Variants in AFG1L observed in about 807,000 individuals in gnomAD.
AFG1L encodes the protein AFG1-like ATPase.
In AFG1L, 53 loss-of-function variants were observed where a neutral mutation model predicts 62.2. That is an observed-to-expected ratio of 0.85 (90% CI 0.68 to 1.07). The LOEUF is 1.07. Among genes scored for constraint, AFG1L ranks in the 50% least tolerant of loss-of-function variants. The pLI, the probability that AFG1L is intolerant of heterozygous loss-of-function variation, is 0.00. For missense variants in AFG1L, 555 were observed against 590.5 expected (o/e 0.94, Z 0.62); for synonymous variants, 228 against 210.3 (o/e 1.08, Z -0.73).
chr6:108,419,725 T>TGTTTATG (rs1770502469), intron 7 of AFG1L, among the ~76,000 whole-genome samples: 1 of 152,184 alleles, frequency 6.6e-6, no homozygotes, highest in African/African-American at 2.4e-5. Flanking sequence ...CTGTTGTGCA[T>TGTTTATG]CCTTTACATA....
In AFG1L at chr6:108,300,153, G is replaced by GTT. The variant is rs11434226; in HGVS notation, c.139+4946_139+4947dup. On this transcript the variant is annotated intron_variant, in intron 1 of 12. Transcript: ENST00000368977. ...ACATAGGAGTTTATTCCCTATTAGG[G>GTT]TTTTTTTTTTTTGAGGTGGAGTTTT... 2.2e-3 allele frequency among the ~76,000 whole-genome samples: 325 copies of GTT among 144,818 alleles called. 2 individuals are homozygous for GTT. The highest frequency in any genetic ancestry group is 7.4e-3 in the African/African-American group (295 of 39,970).
At chr6:108,489,016 A>T (rs1773676919) in intron 10 of AFG1L, among the ~76,000 whole-genome samples, 1 of 152,212 alleles carries the variant, frequency 6.6e-6, no homozygotes, top group South Asian at 2.1e-4. Context: ...AAAAATAACT[A>T]TCCAGAAGGC....
In AFG1L at chr6:108,483,109, G is replaced by A. The variant is rs369299702; in HGVS notation, c.1062+5817G>A. 4.6e-5 allele frequency among the ~76,000 whole-genome samples: 7 copies of A among 152,184 alleles called. No individual in the cohort carries two copies. The South Asian group carries it at 1.4e-3, about 32-fold the overall frequency. ...ATAACTGAGTTGCAATAGATTGGAT[G>A]TAAAAATGGATATGAGAATCCAGTT... On this transcript the variant is annotated intron_variant, in intron 10 of 12. Coordinates refer to ENST00000368977, the MANE Select transcript of AFG1L (RefSeq NM_145315.5).
Position 108,424,625 on chromosome 6 carries a change from GAT to G in AFG1L, c.807+22576_807+22577del, listed in dbSNP as rs1214032658. ...CATATAAAAATATTATAATGTTAGA[GAT>G]ATATTGTAATATATATAATAGAGAA... is the stretch of plus-strand genomic sequence containing the variant. On this transcript the variant is annotated intron_variant, in intron 7 of 12. Coordinates refer to ENST00000368977, the MANE Select transcript of AFG1L (RefSeq NM_145315.5). Among the ~76,000 whole-genome samples, 3 of 152,002 alleles carry G rather than the reference GAT, an allele frequency of 2.0e-5. No homozygotes were observed. In the South Asian group the frequency reaches 6.2e-4, roughly 31 times the overall value.
chr6:108,474,497 A>G (rs776482610), intron 8 of AFG1L, among the ~76,000 whole-genome samples: 7 of 152,198 alleles, frequency 4.6e-5, no homozygotes, highest in African/African-American at 9.6e-5. Flanking sequence ...TTACATTCCC[A>G]CCAACAATGT....
At chr6:108,470,024 A>G (rs890047208) in intron 8 of AFG1L, among the ~76,000 whole-genome samples, 2 of 152,200 alleles carry the variant, frequency 1.3e-5, no homozygotes, top group Admixed American at 1.3e-4. Flanking sequence ...ATTCAGCTGT[A>G]TCTGCTAGTG....
At chr6:108,400,962 T>A in intron 6 of AFG1L, among the ~76,000 whole-genome samples, 1 of 148,164 alleles carries the variant, frequency 6.7e-6, no homozygotes, top group East Asian at 1.9e-4. Flanking sequence ...TATTACTCAA[T>A]GTTTAATTCT....
chr6:108,304,110 A>G (rs761972800), intron 1 of AFG1L, among the ~76,000 whole-genome samples: 6 of 152,220 alleles, frequency 3.9e-5, no homozygotes, highest in South Asian at 2.1e-4. Context: ...TTTAATTTTC[A>G]TAATTTTTCT....
chr6:108,447,860 TG>T (rs1427161016), intron 8 of AFG1L, among the ~76,000 whole-genome samples: 2 of 152,152 alleles, frequency 1.3e-5, no homozygotes, highest in Non-Finnish European at 2.9e-5. Flanking sequence ...AAATATAGTT[TG>T]TTTTAAAATG....
At chr6:108,345,558 C>G (rs1778834013) in intron 2 of AFG1L, among the ~76,000 whole-genome samples, 1 of 152,038 alleles carries the variant, frequency 6.6e-6, no homozygotes, top group Non-Finnish European at 1.5e-5. Flanking sequence ...CTATGTTGCC[C>G]AGGCTAGAGC....
chr6:108,375,132 T>C (rs1165653136), intron 6 of AFG1L, among the ~76,000 whole-genome samples: 1 of 152,182 alleles, frequency 6.6e-6, no homozygotes, highest in East Asian at 1.9e-4. Flanking sequence ...TCAGTTTGAA[T>C]GTTATTGGTG....
At chr6:108,495,358 A>C (rs1237736738) in intron 10 of AFG1L, among the ~76,000 whole-genome samples, 2 of 152,232 alleles carry the variant, frequency 1.3e-5, no homozygotes, top group Non-Finnish European at 2.9e-5. Context: ...AGTAACCCTT[A>C]GGACCGTATA....
chr6:108,448,680 C>G (rs1246277654), intron 8 of AFG1L, among the ~76,000 whole-genome samples: 1 of 152,072 alleles, frequency 6.6e-6, no homozygotes, highest in Admixed American at 6.5e-5. Flanking sequence ...CTCTGACTTA[C>G]CCTGTGTTAC....
intron 1 of AFG1L, among the ~76,000 whole-genome samples, chr6:108,305,845 A>G (rs767570679): frequency 3.3e-5 from 5 of 152,192 alleles, no homozygotes; most frequent in African/African-American, 4.8e-5. Context: ...TTCAAAAGGA[A>G]CTGGAGTGAT....
intron 11 of AFG1L, among the ~76,000 whole-genome samples, chr6:108,512,274 G>T (rs552694345): frequency 1.3e-5 from 2 of 152,314 alleles, no homozygotes; most frequent in African/African-American, 4.8e-5. Context: ...GGGATGGGCC[G>T]AATGTGAAAG....
At chr6:108,443,730 C>T (rs1016740238) in intron 7 of AFG1L, among the ~76,000 whole-genome samples, 12 of 151,948 alleles carry the variant, frequency 7.9e-5, no homozygotes, top group Middle Eastern at 3.4e-3. Context: ...CAAAAATTAC[C>T]GGGGCATGGT....
intron 10 of AFG1L, among the ~76,000 whole-genome samples, chr6:108,499,766 C>CA (rs1006319233): frequency 6.6e-6 from 1 of 151,518 alleles, no homozygotes; most frequent in African/African-American, 2.4e-5. Context: ...CCATCACCCC[C>CA]AAAAAAACCT....
intron 10 of AFG1L, among the ~76,000 whole-genome samples, chr6:108,489,707 C>G (rs1773704348): frequency 6.6e-6 from 1 of 152,176 alleles, no homozygotes. Flanking sequence ...GACAAGCCAC[C>G]TAGGGCTCCA....
At chr6:108,352,528 A>G (rs1779123396) in intron 3 of AFG1L, among the ~76,000 whole-genome samples, 1 of 152,172 alleles carries the variant, frequency 6.6e-6, no homozygotes, top group Non-Finnish European at 1.5e-5. Context: ...AAATGCTATA[A>G]TAGTTGTTAT....
Sources: allele counts gnomAD v4.1 joint callset (sites outside exome capture counted in the v4.1 genomes callset), GRCh38; gene constraint gnomAD v4.1.1; transcripts MANE v1.5; gene names NCBI Gene and HGNC (gene_info 2026-07-23, HGNC 2026-07-21).